The following LAMC1 variants were observed in gnomAD, a reference collection of about 807,000 sequenced individuals.
The protein encoded by LAMC1 is laminin subunit gamma-1.
In LAMC1, 38 loss-of-function variants were observed where a neutral mutation model predicts 173.6. The ratio of observed to expected loss-of-function variants is 0.22; its 90% CI spans 0.17 to 0.29. The LOEUF is 0.29. Ranked by LOEUF, LAMC1 falls within the 10% of genes least tolerant of loss-of-function variation. The pLI is 1.00. For missense variants in LAMC1, 1,824 were observed against 2,051.8 expected (o/e 0.89, Z 2.14); for synonymous variants, 746 against 749.1 (o/e 1.00, Z 0.07).
chr1:183,106,695 T>G (rs2102072388), intron 2 of LAMC1, among the ~76,000 whole-genome samples: 1 of 152,348 alleles, frequency 6.6e-6, no homozygotes, highest in African/African-American at 2.4e-5. Context: ...CTAATGGTTT[T>G]AGATAACTGT....
In LAMC1 at chr1:183,143,015, T is replaced by TTGC; in HGVS notation, c.*227_*229dup. ...TAATAAAGTGTCTCTTCCATTCACG[T>TTGC]TGCTACCTTACCCACACTTTCCCTT... is the stretch of plus-strand genomic sequence containing the variant. On this transcript the variant is annotated 3_prime_UTR_variant, in exon 28 of 28. Coordinates refer to ENST00000258341, the MANE Select transcript of LAMC1 (RefSeq NM_002293.4). The TTGC allele has an allele frequency of 2.1e-6, 1 of 487,618 alleles. No individual in the cohort carries two copies. The highest frequency in any genetic ancestry group is 3.6e-6 in the Non-Finnish European group (1 of 274,230). The allele number at this position is 487,618 out of a possible 1,614,324, so 30.2% of individuals were successfully genotyped here.
At chr1:183,136,659 C>T in intron 25 of LAMC1, 74 bp downstream of exon 25, 1 of 1,267,678 alleles carries the variant, frequency 7.9e-7, no homozygotes, top group Non-Finnish European at 1.1e-6. Context: ...TTTCCAGACC[C>T]TCAGAGCCCT....
At chr1:183,136,773 G>A (rs189624559) in intron 25 of LAMC1, among the ~76,000 whole-genome samples, 188 bp downstream of exon 25, 6 of 151,966 alleles carry the variant, frequency 3.9e-5, no homozygotes, top group African/African-American at 1.4e-4. Context: ...ATTGAGGAGG[G>A]GAACTCAGTA....
intron 2 of LAMC1, among the ~76,000 whole-genome samples, chr1:183,104,725 G>C (rs1470410253): frequency 6.6e-6 from 1 of 152,110 alleles, no homozygotes; most frequent in Admixed American, 6.6e-5. Flanking sequence ...TTTTCTGTGG[G>C]TTCAGTTGCC....
In LAMC1 at chr1:183,134,551, T is replaced by C. The variant is rs950654245; in HGVS notation, c.3850-109T>C. The C allele has an allele frequency of 1.6e-5, 14 of 865,436 alleles. No individual in the cohort carries two copies. The African/African-American group carries it at 2.4e-4, about 15-fold the overall frequency. The allele number at this position is 865,436 out of a possible 1,614,324, so 53.6% of individuals were successfully genotyped here. ...TCCATAAAATCTTGATCTGTGCAGT[T>C]CTTTTAAAAATATCATTGAGTATTA... On this transcript the variant is annotated intron_variant, in intron 22 of 27. Transcript: ENST00000258341.
chr1:183,054,041 C>T (rs575388475), intron 1 of LAMC1, among the ~76,000 whole-genome samples: 1 of 152,290 alleles, frequency 6.6e-6, no homozygotes, highest in South Asian at 2.1e-4. Flanking sequence ...AGAATGTTCT[C>T]TCAACAAGCA....
chr1:183,073,142 T>G (rs1309763840), intron 1 of LAMC1, among the ~76,000 whole-genome samples: 1 of 152,150 alleles, frequency 6.6e-6, no homozygotes, highest in Non-Finnish European at 1.5e-5. Context: ...GCTTGGTGTT[T>G]TAGTAGCATT....
At chr1:183,114,068 T>TTTTG in intron 4 of LAMC1, among the ~76,000 whole-genome samples, 1 of 152,216 alleles carries the variant, frequency 6.6e-6, no homozygotes, top group Non-Finnish European at 1.5e-5. Context: ...GGTGGTGGTT[T>TTTTG]TTTGTTTGTT....
At position 183,107,082 on chromosome 1, in the gene LAMC1, C is replaced by A. The variant is rs539919813; in HGVS notation, c.724-1194C>A. On this transcript the variant is annotated intron_variant, in intron 2 of 27. Transcript: ENST00000258341. ...TGTAAGGGCTTAGATCTCATAAAAC[C>A]TAGGGAAAAACTCTACAGCCCCCAT... 2.6e-5 allele frequency among the ~76,000 whole-genome samples: 4 copies of A among 152,238 alleles called. No individual in the cohort carries two copies. In the South Asian group the frequency reaches 8.3e-4, roughly 32 times the overall value.
chr1:183,024,094 G>T lies in LAMC1; in HGVS notation c.378G>T (p.Gly126=). Residue 126 remains glycine, a synonymous_variant, in exon 1 of 28, where the codon GGG becomes GGT. Transcript: ENST00000258341. ...TWWQSQTMLA[G]VQYPSSINLT... ...GGCAAAGCCAGACCATGCTGGCCGG[G>T]GTGCAGTACCCCAGCTCCATCAACC... The T allele has an allele frequency of 6.2e-7, 1 of 1,607,374 alleles. No individual in the cohort carries two copies. The highest frequency in any genetic ancestry group is 8.5e-7 in the Non-Finnish European group (1 of 1,177,390).
intron 1 of LAMC1, among the ~76,000 whole-genome samples, chr1:183,032,861 G>C (rs571598832): frequency 1.3e-5 from 2 of 152,070 alleles, no homozygotes; most frequent in Non-Finnish European, 2.9e-5. Context: ...TCAGAGACAT[G>C]GTTAATGACC....
At chr1:183,067,700 C>T (rs1446260096) in intron 1 of LAMC1, among the ~76,000 whole-genome samples, 2 of 152,074 alleles carry the variant, frequency 1.3e-5, no homozygotes, top group East Asian at 3.8e-4. Context: ...CTGTATTGGC[C>T]AGGCTGGTGT....
intron 11 of LAMC1, among the ~76,000 whole-genome samples, chr1:183,119,354 T>TA (rs2102087698): frequency 6.6e-6 from 1 of 152,262 alleles, no homozygotes; most frequent in East Asian, 1.9e-4. Context: ...AATATCCAGA[T>TA]AAAAATGGCT....
intron 1 of LAMC1, among the ~76,000 whole-genome samples, chr1:183,034,458 A>C (rs1268447463): frequency 6.6e-6 from 1 of 152,092 alleles, no homozygotes; most frequent in Non-Finnish European, 1.5e-5. Flanking sequence ...TTTTTAGTAG[A>C]GTCGGGGTTT....
At chr1:183,046,540 T>C (rs1388393278) in intron 1 of LAMC1, among the ~76,000 whole-genome samples, 1 of 152,096 alleles carries the variant, frequency 6.6e-6, no homozygotes, top group Non-Finnish European at 1.5e-5. Flanking sequence ...CTTTTCCTGA[T>C]GGATTTATTC....
intron 11 of LAMC1, among the ~76,000 whole-genome samples, chr1:183,121,003 C>T (rs1170256397): frequency 6.6e-6 from 1 of 152,132 alleles, no homozygotes; most frequent in Admixed American, 6.5e-5. Context: ...CTCTTCTTTT[C>T]CCCCCACACT....
In LAMC1 at chr1:183,118,048, C is replaced by G. The variant is rs1656371014; in HGVS notation, c.1892C>G (p.Thr631Arg). The G allele has an allele frequency of 6.2e-7, 1 of 1,610,674 alleles. No individual in the cohort carries two copies. Among genetic ancestry groups the G allele is most frequent in the Non-Finnish European group, 8.5e-7 (1 of 1,177,294 alleles). Residue 631 changes from threonine (T) to arginine (R), a missense_variant, in exon 11 of 28, where the codon ACA becomes AGA. Transcript: ENST00000258341. ...VKYVFRLHEA[T>R]DYPWRPALTP... ...TTTCTCTCCAGGCTCCATGAAGCAA[C>G]AGATTACCCTTGGAGGCCTGCTCTT...
intron 24 of LAMC1, among the ~76,000 whole-genome samples, chr1:183,135,435 C>G (rs1031136273): frequency 6.6e-6 from 1 of 152,060 alleles, no homozygotes; most frequent in African/African-American, 2.4e-5. Context: ...CTTTCATTTT[C>G]TCTGCCAGTG....
chr1:183,098,809 G>A (rs1571438447), intron 1 of LAMC1, among the ~76,000 whole-genome samples: 1 of 152,158 alleles, frequency 6.6e-6, no homozygotes, highest in Admixed American at 6.5e-5. Context: ...AAAGAGGCAG[G>A]TTTCCTTCTG....
Sources: allele counts gnomAD v4.1 joint callset (sites outside exome capture counted in the v4.1 genomes callset), GRCh38; gene constraint gnomAD v4.1.1; transcripts MANE v1.5; gene names NCBI Gene and HGNC (gene_info 2026-07-23, HGNC 2026-07-21).